The following SULF1 variants were observed in gnomAD, a reference collection of about 807,000 sequenced individuals.
The protein encoded by SULF1 is extracellular sulfatase Sulf-1.
SULF1 carries 46 observed loss-of-function variants against 110.5 expected under a neutral mutation model. The observed-to-expected ratio is 0.42, with a 90% CI of 0.33 to 0.53. SULF1 has a LOEUF of 0.53. SULF1 is among the 20% of genes least tolerant of loss of function. The pLI, the probability that SULF1 is intolerant of heterozygous loss-of-function variation, is 0.12. For synonymous variants in SULF1, 371 were observed against 387.1 expected, an observed-to-expected ratio of 0.96 and a Z score of 0.49; for missense variants, 941 against 1,094.2, an observed-to-expected ratio of 0.86 and a Z score of 1.98.
Position 69,640,793 on chromosome 8 carries a change from A to T in SULF1, c.2552-15A>T. 6.2e-7 allele frequency: 1 copy of T among 1,607,550 alleles called. No homozygotes were observed. On this transcript the variant is annotated splice_polypyrimidine_tract_variant and intron_variant, in intron 21 of 22. Coordinates refer to ENST00000402687, the MANE Select transcript of SULF1 (RefSeq NM_001128205.2). ...TAAAGCTAACAGAAATTACTCTTGTATTTTCCTATATCAGGAAATAAAGAT... is the reference window on the plus strand; with the variant it reads ...TAAAGCTAACAGAAATTACTCTTGTTTTTTCCTATATCAGGAAATAAAGAT...
intron 2 of SULF1, among the ~76,000 whole-genome samples, chr8:69,499,028 T>G (rs750169660): frequency 4.6e-5 from 7 of 152,218 alleles, no homozygotes; most frequent in Middle Eastern, 3.4e-3. Context: ...CCAGCTAATT[T>G]TTGTATTTTT....
At chr8:69,578,350 A>G (rs1342527298) in intron 6 of SULF1, among the ~76,000 whole-genome samples, 1 of 152,030 alleles carries the variant, frequency 6.6e-6, no homozygotes, top group Admixed American at 6.6e-5. Context: ...TTGTTTATTT[A>G]TTTTATTTTA....
At chr8:69,604,968 T>C in intron 13 of SULF1, 36 bp downstream of exon 13, 1 of 1,603,110 alleles carries the variant, frequency 6.2e-7, no homozygotes, top group Non-Finnish European at 8.5e-7. Context: ...ACCACTCATG[T>C]GCTTCTCCAT....
chr8:69,651,091 T>C (rs1015379732), intron 22 of SULF1, among the ~76,000 whole-genome samples: 2 of 149,932 alleles, frequency 1.3e-5, no homozygotes, highest in Non-Finnish European at 3.0e-5. Flanking sequence ...TTTTGCTCTG[T>C]CTCCCAAGCT....
At chr8:69,541,368 G>C (rs1369440820) in intron 3 of SULF1, among the ~76,000 whole-genome samples, 1 of 152,188 alleles carries the variant, frequency 6.6e-6, no homozygotes, top group East Asian at 1.9e-4. Context: ...GTCGCTGAAG[G>C]AACATGAAAG....
upstream of SULF1, among the ~76,000 whole-genome samples, chr8:69,489,872 C>T (rs201814795): frequency 8.4e-4 from 128 of 151,964 alleles, 1 homozygote; most frequent in Non-Finnish European, 1.7e-3. Flanking sequence ...AGAATACTGT[C>T]GGGACACACA....
intron 14 of SULF1, among the ~76,000 whole-genome samples, chr8:69,623,283 A>T (rs1479636492): frequency 1.3e-5 from 2 of 152,196 alleles, no homozygotes; most frequent in Non-Finnish European, 2.9e-5. Flanking sequence ...GCCTCTTTGA[A>T]AAAGCAGCCC....
chr8:69,614,799 T>C (rs1808954279), intron 13 of SULF1, among the ~76,000 whole-genome samples: 1 of 152,260 alleles, frequency 6.6e-6, no homozygotes, highest in Admixed American at 6.5e-5. Context: ...AAGAAAATTA[T>C]AACAACTTAA....
intron 8 of SULF1, among the ~76,000 whole-genome samples, chr8:69,596,170 A>G (rs1446113506): frequency 6.6e-6 from 1 of 152,264 alleles, no homozygotes; most frequent in African/African-American, 2.4e-5. Flanking sequence ...AAACTTTTAT[A>G]TATGGGAATA....
At chr8:69,481,000 C>T (rs1299949326) in intron 1 of SULF1, among the ~76,000 whole-genome samples, 2 of 151,692 alleles carry the variant, frequency 1.3e-5, no homozygotes, top group Non-Finnish European at 2.9e-5. Flanking sequence ...AACAAACCTG[C>T]ACATTGTGCA....
intron 3 of SULF1, among the ~76,000 whole-genome samples, chr8:69,519,139 G>C (rs774933934): frequency 1.3e-5 from 2 of 152,076 alleles, no homozygotes; most frequent in Non-Finnish European, 2.9e-5. Flanking sequence ...GGACCAGTCT[G>C]GTACCAGTTA....
chr8:69,630,951 A>G (rs1335352096), intron 19 of SULF1, among the ~76,000 whole-genome samples: 1 of 151,912 alleles, frequency 6.6e-6, no homozygotes, highest in African/African-American at 2.4e-5. Flanking sequence ...TATATCTCCT[A>G]ATGCTATCCC....
At chr8:69,578,189 A>G (rs1805762919) in intron 6 of SULF1, among the ~76,000 whole-genome samples, 1 of 152,222 alleles carries the variant, frequency 6.6e-6, no homozygotes, top group African/African-American at 2.4e-5. Flanking sequence ...TGCTTCGGTT[A>G]TACTGTGCTA....
At chr8:69,568,197 C>T (rs1360134039) in intron 5 of SULF1, among the ~76,000 whole-genome samples, 1 of 151,996 alleles carries the variant, frequency 6.6e-6, no homozygotes, top group Non-Finnish European at 1.5e-5. Flanking sequence ...TACTGTGCCT[C>T]CAAAAAGAAA....
At chr8:69,534,986 T>C (rs943749712) in intron 3 of SULF1, among the ~76,000 whole-genome samples, 1 of 152,224 alleles carries the variant, frequency 6.6e-6, no homozygotes, top group African/African-American at 2.4e-5. Context: ...TTTTGCATGA[T>C]ATATCAATTA....
chr8:69,486,058 A>G (rs772004775), intron 1 of SULF1, among the ~76,000 whole-genome samples: 1 of 152,082 alleles, frequency 6.6e-6, no homozygotes, highest in Non-Finnish European at 1.5e-5. Context: ...TAATATTTCT[A>G]TTTAAACACA....
intron 18 of SULF1, 24 bp downstream of exon 18, chr8:69,628,260 A>G (rs1810254126): frequency 6.2e-7 from 1 of 1,604,308 alleles, no homozygotes; most frequent in Non-Finnish European, 8.5e-7. Flanking sequence ...TGTTTTCCAC[A>G]TTTGCTGGGA....
At chr8:69,527,560 A>G (rs1812784222) in intron 3 of SULF1, among the ~76,000 whole-genome samples, 1 of 152,168 alleles carries the variant, frequency 6.6e-6, no homozygotes, top group African/African-American at 2.4e-5. Flanking sequence ...CTAAGCAAGC[A>G]CAGGGCTTTG....
chr8:69,563,947 G>A lies in SULF1; in HGVS notation c.-29G>A. The A allele has an allele frequency of 6.2e-7, 1 of 1,605,158 alleles. No individual in the cohort carries two copies. The highest frequency in any genetic ancestry group is 8.5e-7 in the Non-Finnish European group (1 of 1,172,646). Reference sequence around the variant, plus strand: ...AGAAATCAGGAGACGGAGACATTTTGTCAGTTTTGCAACATTGGACCAAAT... The same window carrying A: ...AGAAATCAGGAGACGGAGACATTTTATCAGTTTTGCAACATTGGACCAAAT... On this transcript the variant is annotated 5_prime_UTR_variant, in exon 5 of 23. Transcript: ENST00000402687.
Sources: allele counts gnomAD v4.1 joint callset (sites outside exome capture counted in the v4.1 genomes callset), GRCh38; gene constraint gnomAD v4.1.1; transcripts MANE v1.5; gene names NCBI Gene and HGNC (gene_info 2026-07-23, HGNC 2026-07-21).